Variants in MGAT5B observed in about 807,000 individuals in gnomAD.
The protein encoded by MGAT5B is N-acetylglucosaminyl-transferase Vb.
MGAT5B carries 54 observed loss-of-function variants against 95.1 expected under a neutral mutation model. The observed-to-expected ratio is 0.57, with a 90% confidence interval of 0.46 to 0.71. The LOEUF is 0.71. Ranked by LOEUF, MGAT5B falls within the 30% of genes least tolerant of loss-of-function variation. MGAT5B has a pLI of 0.00. For synonymous variants in MGAT5B, 464 were observed against 451.0 expected (o/e 1.03, Z -0.36); for missense variants, 935 against 1,088.6 (o/e 0.86, Z 1.99).
In MGAT5B at chr17:76,933,435, G is replaced by A; in HGVS notation, c.1428+138G>A. 5 of 1,146,608 alleles carry A rather than the reference G, an allele frequency of 4.4e-6. No individual in the cohort carries two copies. The South Asian group carries it at 7.0e-5, about 16-fold the overall frequency. 71.0% of individuals were successfully genotyped at this position (1,146,608 alleles called of 1,614,324 possible). ...CTTGTGGCTCCTGTGGATGGACCAAGGTGGGGAAGAGGGTGATGGGGACAG... is the reference window on the plus strand; with the variant it reads ...CTTGTGGCTCCTGTGGATGGACCAAAGTGGGGAAGAGGGTGATGGGGACAG... On this transcript the variant is annotated intron_variant, in intron 12 of 17. Coordinates refer to ENST00000569840, the MANE Select transcript of MGAT5B (RefSeq NM_001199172.2).
At position 76,921,519 on chromosome 17, in the gene MGAT5B, G is replaced by A. The variant is rs111991651; in HGVS notation, c.1026-3447G>A. On this transcript the variant is annotated intron_variant, in intron 8 of 17. Transcript: ENST00000569840. ...GCTGATACTTCATGGGGTGAGGCCT[G>A]ACTGCCCAAGCGGGTCCTGCATCAG... Among the ~76,000 whole-genome samples, 15 of 152,276 alleles carry A rather than the reference G, an allele frequency of 9.9e-5. 4 individuals carry two copies. Among genetic ancestry groups the A allele is most frequent in the African/African-American group, 3.6e-4 (15 of 41,554 alleles).
intron 15 of MGAT5B, among the ~76,000 whole-genome samples, chr17:76,944,835 C>G (rs909147343): frequency 6.6e-6 from 1 of 152,192 alleles, no homozygotes; most frequent in African/African-American, 2.4e-5. Flanking sequence ...CCGAGCTTGG[C>G]GCAGTTGGAC....
intron 3 of MGAT5B, among the ~76,000 whole-genome samples, chr17:76,898,803 C>T (rs977752597): frequency 1.3e-5 from 2 of 152,196 alleles, no homozygotes; most frequent in Non-Finnish European, 2.9e-5. Flanking sequence ...GTATACACTG[C>T]ACCCTATGTG....
Position 76,902,555 on chromosome 17 carries a change from G to A in MGAT5B, c.330G>A (p.Arg110=), listed in dbSNP as rs748170861. 3.8e-6 allele frequency: 6 copies of A among 1,581,672 alleles called. No individual in the cohort carries two copies. The East Asian group carries it at 7.0e-5, about 18-fold the overall frequency. ...CTCACCTCTGGCTTTTCCCACTTAG[G>A]ATGCCCCCTGGGGCCGGCCTCATGG... is the stretch of plus-strand genomic sequence containing the variant. The part of the protein sequence containing the change: ...AGGDLHFPAD[R]MPPGAGLMER... Residue 110 remains arginine, a splice_region_variant and synonymous_variant, in exon 4 of 18, where the codon AGG becomes AGA. Transcript: ENST00000569840.
rs1970085648 is a variant in MGAT5B, at chr17:76,947,965, C to T, written c.2059C>T (p.His687Tyr). The change falls in exon 17 of 18, where the codon CAC becomes TAC. Residue 687 changes from histidine to tyrosine, a missense_variant. His to Tyr is a moderately conservative substitution (Grantham distance 83, BLOSUM62 2). This residue lies in a region of MGAT5B where 440 missense variants were observed against 523.6 expected (regional missense o/e 0.84). Coordinates refer to ENST00000569840, the MANE Select transcript of MGAT5B (RefSeq NM_001199172.2). Reference sequence around the variant, plus strand: ...GGCTCCTGGGGCCTGGCCCCCCGCGCACGCCCTGCGGGCCTGGCTGGCCGT... The same window carrying T: ...GGCTCCTGGGGCCTGGCCCCCCGCGTACGCCCTGCGGGCCTGGCTGGCCGT... ...SLAPGAWPPA[H>Y]ALRAWLAVPG... The T allele has an allele frequency of 1.2e-6, 2 of 1,612,376 alleles. No individual in the cohort carries two copies. Among genetic ancestry groups the T allele is most frequent in the East Asian group, 2.2e-5 (1 of 44,834 alleles).
intron 8 of MGAT5B, among the ~76,000 whole-genome samples, chr17:76,921,732 G>C (rs1006907818): frequency 6.6e-6 from 1 of 152,206 alleles, no homozygotes; most frequent in Non-Finnish European, 1.5e-5. Flanking sequence ...GAGGCAGTGG[G>C]AAGCCTCGGA....
In MGAT5B at chr17:76,940,549, G is replaced by C; in HGVS notation, c.1731+1G>C. ...CCGAGGCAAGCCCACCTCCAGAGAGGTGAGTGGAAAGCATCCTGGTCCCCG... is the reference window on the plus strand; with the variant it reads ...CCGAGGCAAGCCCACCTCCAGAGAGCTGAGTGGAAAGCATCCTGGTCCCCG... On this transcript the variant is annotated splice_donor_variant, in intron 14 of 17. Coordinates refer to ENST00000569840, the MANE Select transcript of MGAT5B (RefSeq NM_001199172.2). LOFTEE classifies it high-confidence loss of function. This position sits in a 1 kb window ranked among gnomAD's most constrained non-coding sequence, Gnocchi z 4.3. The C allele has an allele frequency of 6.2e-7, 1 of 1,607,674 alleles. No individual in the cohort carries two copies. The highest frequency in any genetic ancestry group is 8.5e-7 in the Non-Finnish European group (1 of 1,175,722).
At chr17:76,939,754 A>G (rs1006528752) in intron 13 of MGAT5B, among the ~76,000 whole-genome samples, 5 of 152,176 alleles carry the variant, frequency 3.3e-5, no homozygotes, top group Admixed American at 3.3e-4. Context: ...GCTCCCACTT[A>G]TAAGTGAGAA....
At chr17:76,901,793 G>T (rs111898722) in intron 3 of MGAT5B, among the ~76,000 whole-genome samples, 3 of 152,216 alleles carry the variant, frequency 2.0e-5, no homozygotes, top group Non-Finnish European at 2.9e-5. Context: ...AGACAGACTC[G>T]GAGAGGCCCG....
intron 8 of MGAT5B, 32 bp from the exon 9 acceptor site, chr17:76,924,934 G>A (rs760719121): frequency 1.2e-6 from 2 of 1,610,536 alleles, no homozygotes; most frequent in African/African-American, 1.3e-5. Context: ...TGGGTTTCTT[G>A]GGGCCCAGAA....
chr17:76,909,817 C>T (rs958492992), intron 8 of MGAT5B, among the ~76,000 whole-genome samples: 3 of 152,128 alleles, frequency 2.0e-5, no homozygotes, highest in Non-Finnish European at 4.4e-5. Context: ...TTTTCATCCC[C>T]GTGGCCTGAA....
chr17:76,946,389 T>C lies in MGAT5B; in HGVS notation c.1862T>C (p.Leu621Pro). ...TCCCTCCCACAGGTAGACCCCTACC[T>C]ACCCTACGAGTACACCTGCGAGGGG... ...AIMRTQVDPY[L>P]PYEYTCEGML... The change falls in exon 16 of 18, where the codon CTA (leucine) becomes CCA (proline). Residue 621 changes from leucine (L) to proline (P), a missense_variant. Coordinates refer to ENST00000569840, the MANE Select transcript of MGAT5B (RefSeq NM_001199172.2). 1 of 1,608,104 alleles carries C rather than the reference T, an allele frequency of 6.2e-7. No homozygotes were observed.
intron 8 of MGAT5B, among the ~76,000 whole-genome samples, chr17:76,910,532 TCACA>T (rs969507414): frequency 2.6e-5 from 4 of 152,198 alleles, no homozygotes; most frequent in Admixed American, 1.3e-4. Context: ...GCACACCCAC[TCACA>T]CACTTGAATA....
intron 10 of MGAT5B, among the ~76,000 whole-genome samples, chr17:76,932,113 CG>C (rs1969508833): frequency 2.3e-5 from 2 of 87,356 alleles, no homozygotes; most frequent in East Asian, 3.6e-4. Context: ...TCTTTGTCTT[CG>C]TCTTCTTTGT....
chr17:76,870,963 G>A lies in MGAT5B; in HGVS notation c.68+1866G>A, dbSNP rs542482439. ...CTGCCTTGGGGGACATTGAACCCCA[G>A]GATGGGGTTCTGGCAGAGGGAGATG... On this transcript the variant is annotated intron_variant, in intron 1 of 17. Transcript: ENST00000569840. The surrounding 1 kb of genome is among the most constrained non-coding windows in gnomAD (Gnocchi z 5.0). 2.6e-5 allele frequency among the ~76,000 whole-genome samples: 4 copies of A among 152,248 alleles called. No individual in the cohort carries two copies. The highest frequency in any genetic ancestry group is 1.9e-4 in the East Asian group (1 of 5,166).
intron 10 of MGAT5B, among the ~76,000 whole-genome samples, chr17:76,931,595 C>A (rs910381075): frequency 6.6e-6 from 1 of 151,934 alleles, no homozygotes; most frequent in Non-Finnish European, 1.5e-5. Context: ...GTCAAAGGTG[C>A]GGTGGGAGAG....
At chr17:76,925,350 G>A (rs1969276642) in intron 9 of MGAT5B, among the ~76,000 whole-genome samples, 1 of 141,834 alleles carries the variant, frequency 7.1e-6, no homozygotes, top group Admixed American at 7.2e-5. Flanking sequence ...GAGGCTGGGG[G>A]CAGGAGGCCG....
chr17:76,928,534 G>A (rs368157397), intron 10 of MGAT5B, among the ~76,000 whole-genome samples: 7 of 151,848 alleles, frequency 4.6e-5, no homozygotes, highest in Admixed American at 1.3e-4. Flanking sequence ...GTGAAACCCC[G>A]TCTCTACTAA....
At position 76,932,178 on chromosome 17, in the gene MGAT5B, AG is replaced by A. The variant is rs571871943; in HGVS notation, c.1292-466del. On this transcript the variant is annotated intron_variant, in intron 10 of 17. Transcript: ENST00000569840. ...GGTCTTGCTCTGTTGCCTGGGCTGG[AG>A]TGCAGCAGTGCGATCATAGCTCAGC... is the stretch of plus-strand genomic sequence containing the variant. Among the ~76,000 whole-genome samples the A allele has an allele frequency of 9.1e-5, 13 of 142,852 alleles. 1 individual carries two copies. In the South Asian group the frequency reaches 3.0e-3, roughly 33 times the overall value. The allele number at this position is 142,852 out of a possible 152,430, so 93.7% of individuals were successfully genotyped here.
Sources: allele counts gnomAD v4.1 joint callset (sites outside exome capture counted in the v4.1 genomes callset), GRCh38; gene constraint gnomAD v4.1.1; regional missense constraint gnomAD v4.1.1; non-coding constraint Gnocchi (gnomAD v3.1); transcripts MANE v1.5; gene names NCBI Gene and HGNC (gene_info 2026-07-23, HGNC 2026-07-21).